The following SLC25A48 variants were observed in gnomAD, a reference collection of about 807,000 sequenced individuals.
SLC25A48 encodes the protein CTC-321K16.1.
A neutral mutation model predicts 32.2 loss-of-function variants in SLC25A48; 29 were observed. The observed-to-expected ratio is 0.90, with a 90% CI of 0.67 to 1.23. The LOEUF is 1.23. SLC25A48 is among the 50% of genes most tolerant of loss of function. The pLI is 0.00. For missense variants in SLC25A48, 399 were observed against 422.7 expected, an observed-to-expected ratio of 0.94 and a Z score of 0.49; for synonymous variants, 164 against 172.3, an observed-to-expected ratio of 0.95 and a Z score of 0.38.
chr5:135,813,759 G>A (rs1441379909), intron 4 of SLC25A48, among the ~76,000 whole-genome samples: 2 of 152,174 alleles, frequency 1.3e-5, no homozygotes, highest in Admixed American at 1.3e-4. Flanking sequence ...AATCCTGGGC[G>A]GGAGGAAGAG....
chr5:135,769,721 A>G (rs1756351072), intron 3 of SLC25A48, among the ~76,000 whole-genome samples: 1 of 72,796 alleles, frequency 1.4e-5, no homozygotes, highest in African/African-American at 5.7e-5. Context: ...GTGGGAGAGG[A>G]TGATGTTACT....
In SLC25A48 at chr5:135,862,099, GAGCCTAACTAGGTGGCCTGTTGGGCATA is replaced by G. The variant is rs1236290752; in HGVS notation, c.421+9301_422-9312del. 2.1e-4 allele frequency among the ~76,000 whole-genome samples: 32 copies of G among 152,268 alleles called. No individual in the cohort carries two copies. In the South Asian group the frequency reaches 4.1e-3, roughly 20 times the overall value. On this transcript the variant is annotated intron_variant, in intron 4 of 7. Transcript: ENST00000681962. ...CCTAACTAGGTGGCCTGTTGGGCAT[GAGCCTAACTAGGTGGCCTGTTGGGCATA>G]AGCCTAACTAGGTGGCCTGTTGAGC...
chr5:135,848,905 G>A (rs1309645611), intron 2 of SLC25A48, among the ~76,000 whole-genome samples: 1 of 152,216 alleles, frequency 6.6e-6, no homozygotes, highest in African/African-American at 2.4e-5. Flanking sequence ...ATTAGCCATG[G>A]TCATAAACTC....
At chr5:135,756,291 C>T (rs1755901703) in intron 3 of SLC25A48, among the ~76,000 whole-genome samples, 1 of 127,646 alleles carries the variant, frequency 7.8e-6, no homozygotes, top group African/African-American at 2.5e-5. Flanking sequence ...AAAATATCAT[C>T]TTTGTGATAT....
At chr5:135,816,868 G>A (rs1281287183) in intron 4 of SLC25A48, among the ~76,000 whole-genome samples, 1 of 152,158 alleles carries the variant, frequency 6.6e-6, no homozygotes, top group Admixed American at 6.5e-5. Flanking sequence ...GCATTCTTTA[G>A]AATGTAACAT....
chr5:135,638,605 G>T (rs1752761889), intron 3 of SLC25A48, among the ~76,000 whole-genome samples: 1 of 152,164 alleles, frequency 6.6e-6, no homozygotes, highest in Non-Finnish European at 1.5e-5. Context: ...TGCTACTAAA[G>T]GAAAGAGAAA....
In SLC25A48 at chr5:135,804,115, C is replaced by T. The variant is rs1441948567; in HGVS notation, c.-520-8408C>T. On this transcript the variant is annotated intron_variant, in intron 3 of 10. Coordinates refer to the SLC25A48 transcript ENST00000646290. Reference sequence around the variant, plus strand: ...TACACCCCCTTTGACATTAAGAGTACTATCTCCCTATGATATTATGAATGA... The same window carrying T: ...TACACCCCCTTTGACATTAAGAGTATTATCTCCCTATGATATTATGAATGA... Among the ~76,000 whole-genome samples the T allele has an allele frequency of 2.0e-5, 3 of 151,260 alleles. No individual in the cohort carries two copies. The South Asian group carries it at 6.3e-4, about 32-fold the overall frequency.
At chr5:135,598,003 T>A (rs1207646677) in intron 1 of SLC25A48, among the ~76,000 whole-genome samples, 1 of 126,088 alleles carries the variant, frequency 7.9e-6, no homozygotes, top group African/African-American at 2.8e-5. Context: ...GACTCTGTCT[T>A]AAAAAAAAAA....
chr5:135,597,251 C>A (rs1186546940), intron 1 of SLC25A48, among the ~76,000 whole-genome samples: 6 of 152,150 alleles, frequency 3.9e-5, no homozygotes, highest in African/African-American at 1.4e-4. Context: ...AACCAAGTTG[C>A]AGATCTGAGC....
intron 3 of SLC25A48, among the ~76,000 whole-genome samples, chr5:135,738,043 C>G (rs750919224): frequency 6.6e-6 from 1 of 152,120 alleles, no homozygotes; most frequent in Non-Finnish European, 1.5e-5. Flanking sequence ...GAAATGACAC[C>G]ATCACTATGA....
intron 4 of SLC25A48, among the ~76,000 whole-genome samples, chr5:135,821,351 G>A (rs1303116513): frequency 4.6e-5 from 7 of 152,188 alleles, no homozygotes; most frequent in Non-Finnish European, 1.0e-4. Flanking sequence ...CCACAGAGGA[G>A]AGGCAGCTGA....
intron 3 of SLC25A48, among the ~76,000 whole-genome samples, chr5:135,716,028 G>T (rs1561460965): frequency 6.6e-6 from 1 of 152,182 alleles, no homozygotes; most frequent in Admixed American, 6.5e-5. Flanking sequence ...CAGTTATCCA[G>T]AAGTGCAGTT....
At chr5:135,580,780 A>C (rs2126868799) in intron 1 of SLC25A48, among the ~76,000 whole-genome samples, 1 of 152,326 alleles carries the variant, frequency 6.6e-6, no homozygotes, top group East Asian at 1.9e-4. Flanking sequence ...ATCTTGGGTG[A>C]AATCTTCCCA....
chr5:135,707,123 G>C (rs2126971047), intron 3 of SLC25A48, among the ~76,000 whole-genome samples: 1 of 152,230 alleles, frequency 6.6e-6, no homozygotes, highest in South Asian at 2.1e-4. Context: ...CAGGAGAAGT[G>C]GGGTAGGGTG....
intron 3 of SLC25A48, among the ~76,000 whole-genome samples, chr5:135,753,535 G>C (rs1482015172): frequency 6.6e-6 from 1 of 151,782 alleles, no homozygotes; most frequent in Non-Finnish European, 1.5e-5. Flanking sequence ...TAATATCGTG[G>C]GGTGTACTGA....
intron 1 of SLC25A48, among the ~76,000 whole-genome samples, chr5:135,597,317 A>G (rs948003219): frequency 2.1e-4 from 32 of 152,224 alleles, no homozygotes; most frequent in Non-Finnish European, 4.4e-4. Context: ...AAGGGCTGAC[A>G]GGGTGGCCAC....
chr5:135,882,167 G>T (rs1762523356), intron 7 of SLC25A48, among the ~76,000 whole-genome samples: 1 of 152,266 alleles, frequency 6.6e-6, no homozygotes, highest in African/African-American at 2.4e-5. Context: ...TAGGAGGGAG[G>T]ACTGCTAAGG....
chr5:135,733,507 G>C (rs896874739), intron 3 of SLC25A48, among the ~76,000 whole-genome samples: 30 of 152,172 alleles, frequency 2.0e-4, no homozygotes, highest in African/African-American at 7.0e-4. Flanking sequence ...TCAGGTGGGA[G>C]GAAGAAAATA....
chr5:135,764,485 T>C (rs750820164), intron 3 of SLC25A48, among the ~76,000 whole-genome samples: 2 of 151,756 alleles, frequency 1.3e-5, no homozygotes. Flanking sequence ...ATATGGTTCA[T>C]GATTCTCCAG....
Sources: allele counts gnomAD v4.1 joint callset (sites outside exome capture counted in the v4.1 genomes callset), GRCh38; gene constraint gnomAD v4.1.1; transcripts MANE v1.5; gene names NCBI Gene and HGNC (gene_info 2026-07-23, HGNC 2026-07-21).